RPA1: variants seen among roughly 807,000 people sequenced by gnomAD.
RPA1 encodes replication protein A1.
In RPA1, 49 loss-of-function variants were observed where a neutral mutation model predicts 83.0. The ratio of observed to expected loss-of-function variants is 0.59; its 90% CI spans 0.47 to 0.75. The LOEUF (loss-of-function observed/expected upper bound fraction) is 0.75. RPA1 is among the 30% of genes least tolerant of loss of function. The pLI is 0.00. For synonymous variants in RPA1, 279 were observed against 281.8 expected (o/e 0.99, Z 0.10); for missense variants, 693 against 776.1 (o/e 0.89, Z 1.27).
At position 1,843,757 on chromosome 17, in the gene RPA1, A is replaced by G. The variant is rs17291811; in HGVS notation, c.85-163A>G. On this transcript the variant is annotated intron_variant, in intron 2 of 16. Transcript: ENST00000254719. ...GTTAGTGGAGGGAGGTTAGTGGGAAAATCATCAAATCCAGTTTTCTTTTAC... is the reference window on the plus strand; with the variant it reads ...GTTAGTGGAGGGAGGTTAGTGGGAAGATCATCAAATCCAGTTTTCTTTTAC... 8.4e-3 allele frequency among the ~76,000 whole-genome samples: 1,278 copies of G among 151,906 alleles called. 20 individuals are homozygous for G. Among genetic ancestry groups the G allele is most frequent in the African/African-American group, 0.029 (1,204 of 41,432 alleles).
intron 3 of RPA1, 73 bp downstream of exon 3, chr17:1,844,071 C>A: frequency 7.2e-7 from 1 of 1,390,622 alleles, no homozygotes; most frequent in Non-Finnish European, 1.0e-6. Flanking sequence ...CTTTGGTTGC[C>A]ATAATTTGGG....
intron 5 of RPA1, among the ~76,000 whole-genome samples, chr17:1,861,780 G>A (rs1050365418): frequency 1.4e-4 from 21 of 151,720 alleles, no homozygotes; most frequent in Non-Finnish European, 2.9e-4. Flanking sequence ...CTGGAGTCCA[G>A]TGGCGTGATC....
chr17:1,854,428 G>A (rs932797745), intron 5 of RPA1, among the ~76,000 whole-genome samples: 9 of 152,084 alleles, frequency 5.9e-5, no homozygotes, highest in South Asian at 2.1e-4. Flanking sequence ...AACCAGGTAC[G>A]GTACCTCACA....
Position 1,884,069 on chromosome 17 carries a change from G to A in RPA1, c.1374+125G>A, listed in dbSNP as rs945405151. 9 of 1,305,888 alleles carry A rather than the reference G, an allele frequency of 6.9e-6. No homozygotes were observed. The highest frequency in any genetic ancestry group is 1.4e-5 in the South Asian group (1 of 72,440). 80.9% of individuals were successfully genotyped at this position (1,305,888 alleles called of 1,614,324 possible). On this transcript the variant is annotated intron_variant, in intron 13 of 16. Transcript: ENST00000254719. This position sits in a 1 kb window ranked among gnomAD's most constrained non-coding sequence, Gnocchi z 4.1. ...TCTTACCCGGGGCTGTGACCTGAGC[G>A]TGGCATGGGGGTTGAGAATCACTGG...
At position 1,899,315 on chromosome 17, in the gene RPA1, ATGT is replaced by A. The variant is rs1462198291; in HGVS notation, c.*2145_*2147del. 2.0e-5 allele frequency: 3 copies of A among 152,608 alleles called. No homozygotes were observed. The highest frequency in any genetic ancestry group is 3.8e-4 in the East Asian group (2 of 5,196). The allele number at this position is 152,608 out of a possible 1,614,324, so 9.5% of individuals were successfully genotyped here. On this transcript the variant is annotated 3_prime_UTR_variant, in exon 17 of 17. Transcript: ENST00000254719. ...CACAGTTTACCTCGAAAGGCTGTTGATGTTGTTCTGTTTCTCCTCTTTCACTTA... is the reference window on the plus strand; with the variant it reads ...CACAGTTTACCTCGAAAGGCTGTTGATGTTCTGTTTCTCCTCTTTCACTTA...
chr17:1,863,034 G>C (rs7212276), intron 5 of RPA1, among the ~76,000 whole-genome samples: 127,899 of 151,430 alleles, frequency 0.84, 54,554 homozygotes, highest in Non-Finnish European at 0.92. Flanking sequence ...TATTTATTTA[G>C]TTATTTGGAG....
intron 1 of RPA1, among the ~76,000 whole-genome samples, chr17:1,837,747 C>G (rs1408746809): frequency 6.6e-6 from 1 of 152,188 alleles, no homozygotes; most frequent in African/African-American, 2.4e-5. Context: ...CTGTTCACAT[C>G]TTTTGTTCAC....
intron 12 of RPA1, 58 bp downstream of exon 12, chr17:1,880,749 G>C: frequency 6.3e-7 from 1 of 1,598,158 alleles, no homozygotes; most frequent in Non-Finnish European, 8.5e-7. Flanking sequence ...AGAAAAGCTG[G>C]TTACAATCAG....
intron 5 of RPA1, among the ~76,000 whole-genome samples, 189 bp downstream of exon 5, chr17:1,853,378 T>A (rs1043489129): frequency 5.3e-5 from 8 of 152,144 alleles, no homozygotes; most frequent in Non-Finnish European, 1.2e-4. Flanking sequence ...AAGGGCACAA[T>A]TAGAAAGCAA....
At chr17:1,851,223 T>C (rs1177220601) in intron 4 of RPA1, among the ~76,000 whole-genome samples, 1 of 152,156 alleles carries the variant, frequency 6.6e-6, no homozygotes, top group African/African-American at 2.4e-5. Flanking sequence ...AAAAATACCG[T>C]CCGTGTTGTA....
intron 2 of RPA1, 64 bp downstream of exon 2, chr17:1,842,917 G>A (rs972680382): frequency 1.5e-5 from 23 of 1,523,114 alleles, no homozygotes; most frequent in South Asian, 7.9e-5. Context: ...TACAAGTTAC[G>A]TTTGATGAAG....
chr17:1,831,303 A>G (rs1911565614), intron 1 of RPA1, among the ~76,000 whole-genome samples: 1 of 152,198 alleles, frequency 6.6e-6, no homozygotes, highest in Non-Finnish European at 1.5e-5. Context: ...AGTGCTAACC[A>G]GAAATTGAGA....
At chr17:1,873,529 T>G (rs1229188147) in intron 6 of RPA1, among the ~76,000 whole-genome samples, 7 of 152,178 alleles carry the variant, frequency 4.6e-5, no homozygotes, top group Non-Finnish European at 2.9e-5. Context: ...AAAGCAAGGT[T>G]AAGATGTCAC....
chr17:1,884,940 C>T lies in RPA1; in HGVS notation c.1374+996C>T, dbSNP rs1277212819. On this transcript the variant is annotated intron_variant, in intron 13 of 16. Transcript: ENST00000254719. The surrounding 1 kb of genome is among the most constrained non-coding windows in gnomAD (Gnocchi z 4.1). ...AGGGTTGATGGCTGAGCAGTCACGGCGATGGTTGCTGAACATCGGCGTGTC... is the reference window on the plus strand; with the variant it reads ...AGGGTTGATGGCTGAGCAGTCACGGTGATGGTTGCTGAACATCGGCGTGTC... Among the ~76,000 whole-genome samples the T allele has an allele frequency of 6.6e-6, 1 of 152,168 alleles. No homozygotes were observed. The highest frequency in any genetic ancestry group is 1.5e-5 in the Non-Finnish European group (1 of 68,038).
intron 4 of RPA1, among the ~76,000 whole-genome samples, chr17:1,851,428 G>C (rs1011267162): frequency 6.6e-6 from 1 of 152,134 alleles, no homozygotes; most frequent in Admixed American, 6.5e-5. Context: ...AAGAAACCAG[G>C]TCATTTATCC....
At chr17:1,894,724 C>T (rs1440504837) in intron 15 of RPA1, among the ~76,000 whole-genome samples, 3 of 152,116 alleles carry the variant, frequency 2.0e-5, no homozygotes, top group African/African-American at 4.8e-5. Context: ...TCATGGGTGG[C>T]GATTTGAAAC....
chr17:1,849,289 C>CTCTTTT (rs1457398986), intron 4 of RPA1, among the ~76,000 whole-genome samples: 1 of 116,320 alleles, frequency 8.6e-6, no homozygotes, highest in Non-Finnish European at 1.7e-5. Flanking sequence ...GTTGGCTGTT[C>CTCTTTT]TTTTTTTTTT....
chr17:1,873,273 G>C (rs2151284289), intron 6 of RPA1, among the ~76,000 whole-genome samples: 1 of 152,302 alleles, frequency 6.6e-6, no homozygotes, highest in East Asian at 1.9e-4. Context: ...TCATGGATGA[G>C]AAATGGTTTC....
chr17:1,872,189 T>C, intron 5 of RPA1: 1 of 536,022 alleles, frequency 1.9e-6, no homozygotes, highest in South Asian at 2.2e-5. Context: ...TCATTAACAC[T>C]GAAGGCTATC....
Sources: allele counts gnomAD v4.1 joint callset (sites outside exome capture counted in the v4.1 genomes callset), GRCh38; gene constraint gnomAD v4.1.1; non-coding constraint Gnocchi (gnomAD v3.1); transcripts MANE v1.5; gene names NCBI Gene and HGNC (gene_info 2026-07-23, HGNC 2026-07-21).